FPGT: variants seen among roughly 807,000 people sequenced by gnomAD.
The protein encoded by FPGT is fucose-1-phosphate guanylyltransferase, also known as GDP-L-fucose diphosphorylase.
Under a neutral mutation model 45.8 loss-of-function variants are expected in FPGT, and 41 were observed. The observed-to-expected ratio is 0.90, with a 90% CI of 0.70 to 1.16. The LOEUF (loss-of-function observed/expected upper bound fraction) is 1.16. Among genes scored for constraint, FPGT ranks in the 50% most tolerant of loss-of-function variants. FPGT has a pLI of 0.00. For synonymous variants in FPGT, 292 were observed against 247.2 expected, an observed-to-expected ratio of 1.18 and a Z score of -1.70; for missense variants, 755 against 689.1, an observed-to-expected ratio of 1.10 and a Z score of -1.07.
rs1383951416 is a variant in FPGT, at chr1:74,205,662, A to T, written c.1615A>T (p.Ile539Leu). Residue 539 changes from isoleucine to leucine, a missense_variant, in exon 4 of 4, where the codon ATA becomes TTA. By Grantham distance (5) the Ile-to-Leu change is conservative. Transcript: ENST00000370898. Reference protein sequence around the residue: ...PVCSSLSDSVITSLKMLNAVK... With the variant: ...PVCSSLSDSVLTSLKMLNAVK... ...TTGTTCTTCTTTGAGTGACTCAGTT[A>T]TAACATCCCTAAAGATGTTAAATGC... 1 of 1,609,954 alleles carries T rather than the reference A, an allele frequency of 6.2e-7. No individual in the cohort carries two copies. The highest frequency in any genetic ancestry group is 1.7e-5 in the Admixed American group (1 of 60,018).
At chr1:74,199,611 A>G (rs1202819269) in intron 1 of FPGT, 53 bp from the exon 2 acceptor site, 1 of 1,578,206 alleles carries the variant, frequency 6.3e-7, no homozygotes, top group Non-Finnish European at 8.6e-7. Flanking sequence ...AACCTGTGGC[A>G]ACTAGAAAAT....
Position 74,204,932 on chromosome 1 carries a change from C to A in FPGT, c.885C>A (p.Ser295Arg), listed in dbSNP as rs997520143. The change falls in exon 4 of 4, where the codon AGC becomes AGA. Residue 295 changes from serine (S) to arginine (R), a missense_variant. Transcript: ENST00000370898. ...TTTATGAAAAAATAGGCACACTGAGCTGTGAAATAGATGCCTATGGTGACT... is the reference window on the plus strand; with the variant it reads ...TTTATGAAAAAATAGGCACACTGAGATGTGAAATAGATGCCTATGGTGACT... ...LAFYEKIGTL[S>R]CEIDAYGDFL... 2 of 1,613,900 alleles carry A rather than the reference C, an allele frequency of 1.2e-6. No individual in the cohort carries two copies. Among genetic ancestry groups the A allele is most frequent in the Non-Finnish European group, 1.7e-6 (2 of 1,179,960 alleles).
In FPGT at chr1:74,204,649, C is replaced by G. The variant is rs1224762432; in HGVS notation, c.602C>G (p.Thr201Ser). 4 of 1,613,326 alleles carry G rather than the reference C, an allele frequency of 2.5e-6. No homozygotes were observed. Among genetic ancestry groups the G allele is most frequent in the Non-Finnish European group, 3.4e-6 (4 of 1,179,298 alleles). Residue 201 changes from threonine to serine, a missense_variant, in exon 4 of 4, where the codon ACC becomes AGC. Transcript: ENST00000370898. Reference protein sequence around the residue: ...LAHPSSLTIGTTHGVFVLDPF... With the variant: ...LAHPSSLTIGSTHGVFVLDPF... ...CATCCTTCTAGTTTGACGATAGGTA[C>G]CACACATGGAGTATTTGTCTTAGAT...
At position 74,198,258 on chromosome 1, in the gene FPGT, G is replaced by A. The variant is rs780744071; in HGVS notation, c.-21G>A. On this transcript the variant is annotated 5_prime_UTR_variant, in exon 1 of 4. Coordinates refer to ENST00000370898, the MANE Select transcript of FPGT (RefSeq NM_003838.5). ...AGGGCGCATGCGTGCTGTGCGGCGC[G>A]GTCTCAGGGAAGGTGGGGCTATGGC... The A allele has an allele frequency of 2.5e-6, 4 of 1,612,004 alleles. No homozygotes were observed. In the Admixed American group the frequency reaches 5.0e-5, roughly 20 times the overall value.
chr1:74,204,566 T>G lies in FPGT; in HGVS notation c.519T>G (p.Tyr173Ter). Reference sequence around the variant, plus strand: ...CCTGTGCAGATGATATTGAACTTTATAGTATTGGAGAATTTGAGTTTATTA... The same window carrying G: ...CCTGTGCAGATGATATTGAACTTTAGAGTATTGGAGAATTTGAGTTTATTA... ...LVTCADDIEL[Y>*]SIGEFEFIRF... Residue 173 changes from tyrosine to a stop codon, truncating the protein, a stop_gained, in exon 4 of 4, where the codon TAT (tyrosine) becomes TAG (stop). Transcript: ENST00000370898. LOFTEE classifies it high-confidence loss of function. 2 of 1,610,296 alleles carry G rather than the reference T, an allele frequency of 1.2e-6. No individual in the cohort carries two copies. Among genetic ancestry groups the G allele is most frequent in the Non-Finnish European group, 1.7e-6 (2 of 1,176,558 alleles).
In FPGT at chr1:74,205,359, G is replaced by T; in HGVS notation, c.1312G>T (p.Gly438Cys). The T allele has an allele frequency of 6.2e-7, 1 of 1,614,048 alleles. No homozygotes were observed. Among genetic ancestry groups the T allele is most frequent in the South Asian group, 1.1e-5 (1 of 91,080 alleles). The stretch of plus-strand genomic sequence containing the variant: ...AGTTGGGGAAAACTGCATTATTAGT[G>T]GTTCTTACATCCTAACAAAAGCTGC... ...VSVGENCIISGSYILTKAALP... is the reference protein window; with the variant it reads ...VSVGENCIISCSYILTKAALP... The change falls in exon 4 of 4, where the codon GGT (glycine) becomes TGT (cysteine). Residue 438 changes from glycine to cysteine, a missense_variant. Gly to Cys is a radical substitution (Grantham distance 159, BLOSUM62 -3). Coordinates refer to ENST00000370898, the MANE Select transcript of FPGT (RefSeq NM_003838.5).
chr1:74,204,393 G>A lies in FPGT; in HGVS notation c.346G>A (p.Gly116Ser), dbSNP rs1284229323. 1 of 1,555,172 alleles carries A rather than the reference G, an allele frequency of 6.4e-7. No individual in the cohort carries two copies. Among genetic ancestry groups the A allele is most frequent in the East Asian group, 2.2e-5 (1 of 44,448 alleles). The change falls in exon 4 of 4, where the codon GGC becomes AGC. Residue 116 changes from glycine to serine, a missense_variant and splice_region_variant. Gly to Ser is a moderately conservative substitution (Grantham distance 56). Coordinates refer to ENST00000370898, the MANE Select transcript of FPGT (RefSeq NM_003838.5). ...SFTILLIHSG[G>S]YSQRLPNASA... The stretch of plus-strand genomic sequence containing the variant: ...GTTATTTCGTTTTAATTTTATAGGT[G>A]GCTACAGTCAACGACTTCCAAATGC...
rs202078895 is a variant in FPGT, at chr1:74,199,776, G to A, written c.195G>A (p.Glu65=). The change falls in exon 2 of 4, where the codon GAG becomes GAA. Residue 65 remains glutamate, a synonymous_variant. Transcript: ENST00000370898. The part of the protein sequence containing the change: ...QQLSEKLKRK[E]LPLGVQYHVF... ...TGTCAGAAAAGCTGAAAAGAAAGGAGTTACCCCTTGGAGTTCAATATCACG... is the reference window on the plus strand; with the variant it reads ...TGTCAGAAAAGCTGAAAAGAAAGGAATTACCCCTTGGAGTTCAATATCACG... The A allele has an allele frequency of 6.2e-7, 1 of 1,614,120 alleles. No individual in the cohort carries two copies. The highest frequency in any genetic ancestry group is 8.5e-7 in the Non-Finnish European group (1 of 1,179,998).
chr1:74,200,497 C>CTTTTTTTT (rs202228945), intron 2 of FPGT, among the ~76,000 whole-genome samples: 2 of 106,566 alleles, frequency 1.9e-5, no homozygotes, highest in Non-Finnish European at 3.7e-5. Flanking sequence ...GTTATTATTT[C>CTTTTTTTT]TTTTTTTTTT....
chr1:74,201,294 T>G, intron 2 of FPGT, 24 bp from the exon 3 acceptor site: 1 of 1,588,558 alleles, frequency 6.3e-7, no homozygotes, highest in Non-Finnish European at 8.6e-7. Flanking sequence ...AAATAAATTG[T>G]GCTTTTTTAA....
In FPGT at chr1:74,198,383, TCTC is replaced by T. The variant is rs752398689; in HGVS notation, c.82+26_82+28del. On this transcript the variant is annotated intron_variant, in intron 1 of 3. Coordinates refer to ENST00000370898, the MANE Select transcript of FPGT (RefSeq NM_003838.5). ...GAGGTACCAGAGAAGGCACCGGAGT[TCTC>T]CTGGGCAATGCAGAGGGAGGGTGCT... The T allele has an allele frequency of 3.1e-6, 5 of 1,613,530 alleles. No homozygotes were observed. The East Asian group carries it at 8.9e-5, about 29-fold the overall frequency.
chr1:74,205,357 G>T lies in FPGT; in HGVS notation c.1310G>T (p.Ser437Ile), dbSNP rs752220240. The change falls in exon 4 of 4, where the codon AGT becomes ATT. Residue 437 changes from serine (S) to isoleucine (I), a missense_variant. Transcript: ENST00000370898. ...DVSVGENCII[S>I]GSYILTKAAL... ...TCAGTTGGGGAAAACTGCATTATTA[G>T]TGGTTCTTACATCCTAACAAAAGCT... The T allele has an allele frequency of 2.1e-5, 34 of 1,614,018 alleles. No individual in the cohort carries two copies. Among genetic ancestry groups the T allele is most frequent in the Non-Finnish European group, 2.9e-5 (34 of 1,180,004 alleles).
chr1:74,204,817 A>T lies in FPGT; in HGVS notation c.770A>T (p.Asp257Val). The T allele has an allele frequency of 6.2e-7, 1 of 1,613,828 alleles. No individual in the cohort carries two copies. Among genetic ancestry groups the T allele is most frequent in the Non-Finnish European group, 8.5e-7 (1 of 1,179,986 alleles). ...NFCQQDFAGGDIADLKLDSDY... is the reference protein window; with the variant it reads ...NFCQQDFAGGVIADLKLDSDY... ...TGTCAACAGGACTTTGCTGGGGGTG[A>T]CATTGCCGATCTTAAATTAGACTCT... Residue 257 changes from aspartate to valine, a missense_variant, in exon 4 of 4, where the codon GAC becomes GTC. Coordinates refer to ENST00000370898, the MANE Select transcript of FPGT (RefSeq NM_003838.5).
At chr1:74,204,001 G>T (rs1164698977) in intron 3 of FPGT, among the ~76,000 whole-genome samples, 2 of 150,698 alleles carry the variant, frequency 1.3e-5, no homozygotes, top group Non-Finnish European at 2.9e-5. Context: ...AAGATCGCAC[G>T]TCACTGCACT....
Position 74,204,553 on chromosome 1 carries a change from A to C in FPGT, c.506A>C (p.Asp169Ala), listed in dbSNP as rs547793107. The C allele has an allele frequency of 6.2e-7, 1 of 1,608,790 alleles. No homozygotes were observed. Among genetic ancestry groups the C allele is most frequent in the Non-Finnish European group, 8.5e-7 (1 of 1,175,248 alleles). ...GGAATTCTGGTTACCTGTGCAGATG[A>C]TATTGAACTTTATAGTATTGGAGAA... Reference protein sequence around the residue: ...NPGILVTCADDIELYSIGEFE... With the variant: ...NPGILVTCADAIELYSIGEFE... The change falls in exon 4 of 4, where the codon GAT becomes GCT. Residue 169 changes from aspartate (D) to alanine (A), a missense_variant. Coordinates refer to ENST00000370898, the MANE Select transcript of FPGT (RefSeq NM_003838.5).
chr1:74,202,428 A>G (rs1291134657), intron 3 of FPGT, among the ~76,000 whole-genome samples: 1 of 152,246 alleles, frequency 6.6e-6, no homozygotes, highest in African/African-American at 2.4e-5. Flanking sequence ...AATCTAATTT[A>G]CAATTTTATT....
chr1:74,203,420 G>A (rs886612274), intron 3 of FPGT, among the ~76,000 whole-genome samples: 1 of 151,284 alleles, frequency 6.6e-6, no homozygotes, highest in East Asian at 1.9e-4. Flanking sequence ...ATGGAGTCTG[G>A]CTCTGTCGCC....
At chr1:74,198,432 C>T (rs1011752317) in intron 1 of FPGT, 72 bp downstream of exon 1, 6 of 1,580,856 alleles carry the variant, frequency 3.8e-6, no homozygotes, top group Admixed American at 1.8e-5. Context: ...AGGAGGTTTG[C>T]TGGACTGTCA....
At position 74,198,268 on chromosome 1, in the gene FPGT, A is replaced by C; in HGVS notation, c.-11A>C. ...CGTGCTGTGCGGCGCGGTCTCAGGGAAGGTGGGGCTATGGCAGCTGCTAGG... is the reference window on the plus strand; with the variant it reads ...CGTGCTGTGCGGCGCGGTCTCAGGGCAGGTGGGGCTATGGCAGCTGCTAGG... On this transcript the variant is annotated 5_prime_UTR_variant, in exon 1 of 4. Coordinates refer to ENST00000370898, the MANE Select transcript of FPGT (RefSeq NM_003838.5). 1 of 1,613,342 alleles carries C rather than the reference A, an allele frequency of 6.2e-7. No individual in the cohort carries two copies.
Sources: gnomAD v4.1 joint callset for allele counts (sites outside exome capture counted in the v4.1 genomes callset) on GRCh38, gnomAD v4.1.1 for gene constraint, MANE v1.5 for transcripts, NCBI Gene and HGNC (gene_info 2026-07-23, HGNC 2026-07-21) for gene names.